Variants in GRIA4 observed in about 807,000 individuals in gnomAD.
GRIA4 encodes glutamate ionotropic receptor AMPA type subunit 4.
Under a neutral mutation model 104.0 loss-of-function variants are expected in GRIA4, and 34 were observed. That is an observed-to-expected ratio of 0.33 (90% CI 0.25 to 0.44). The LOEUF is 0.44. Among genes scored for constraint, GRIA4 ranks in the 20% least tolerant of loss-of-function variants. GRIA4 has a pLI of 1.00. For synonymous variants in GRIA4, 386 were observed against 381.9 expected (o/e 1.01, Z -0.13); for missense variants, 750 against 1,096.5 (o/e 0.68, Z 4.46).
chr11:105,819,521 C>A (rs1027556886), intron 4 of GRIA4, among the ~76,000 whole-genome samples: 1 of 151,982 alleles, frequency 6.6e-6, no homozygotes. Context: ...GTATCGTTGA[C>A]AGTGTACCAA....
Position 105,981,478 on chromosome 11 carries a change from C to T in GRIA4, c.*1739C>T, listed in dbSNP as rs1406773130. ...TTGGAAAAGCTGAAGGATTGATTTT[C>T]TTCCATCAACTCTCAAGATCCCATT... On this transcript the variant is annotated 3_prime_UTR_variant, in exon 17 of 17. Transcript: ENST00000282499. 6.6e-6 allele frequency: 1 copy of T among 151,920 alleles called. No homozygotes were observed. Among genetic ancestry groups the T allele is most frequent in the Non-Finnish European group, 1.5e-5 (1 of 67,950 alleles). The allele number at this position is 151,920 out of a possible 1,614,324, so 9.4% of individuals were successfully genotyped here. A position where few individuals can be genotyped will look rare whatever the true frequency, so the allele number is the denominator to read the frequency against.
chr11:105,969,879 C>A (rs1054076054), intron 14 of GRIA4, among the ~76,000 whole-genome samples: 1 of 152,092 alleles, frequency 6.6e-6, no homozygotes, highest in Non-Finnish European at 1.5e-5. Context: ...CTGGAAAATA[C>A]CATTTTACAG....
Position 105,794,512 on chromosome 11 carries a change from T to TATATAC in GRIA4, c.487+41293_487+41294insTATACA, listed in dbSNP as rs1313325715. ...ATATATATATATATATATATATATATACATATACACACACACACATATCTG... is the reference window on the plus strand; with the variant it reads ...ATATATATATATATATATATATATATATATACACATATACACACACACACATATCTG... On this transcript the variant is annotated intron_variant, in intron 4 of 16. Transcript: ENST00000282499. Among the ~76,000 whole-genome samples the TATATAC allele has an allele frequency of 3.9e-3, 420 of 106,818 alleles. 10 individuals carry two copies. The highest frequency in any genetic ancestry group is 0.011 in the Middle Eastern group (2 of 182). The allele number at this position is 106,818 out of a possible 152,430, so 70.1% of individuals were successfully genotyped here. A position where few individuals can be genotyped will look rare whatever the true frequency, so the allele number is the denominator to read the frequency against.
chr11:105,780,097 T>C (rs1487454349), intron 4 of GRIA4, among the ~76,000 whole-genome samples: 1 of 152,150 alleles, frequency 6.6e-6, no homozygotes, highest in African/African-American at 2.4e-5. Flanking sequence ...TGGTCTCCTA[T>C]GTATAATCTT....
Position 105,652,346 on chromosome 11 carries a change from G to T in GRIA4, c.247+39912G>T, listed in dbSNP as rs1267605274. The stretch of plus-strand genomic sequence containing the variant: ...TGAGAAAATGGAAAGAAGCCCATCA[G>T]ATCCTTCTCAAGCTTTTTATCTAAA... On this transcript the variant is annotated intron_variant, in intron 3 of 16. Coordinates refer to ENST00000282499, the MANE Select transcript of GRIA4 (RefSeq NM_000829.4). Among the ~76,000 whole-genome samples the T allele has an allele frequency of 2.6e-5, 4 of 152,156 alleles. No homozygotes were observed. In the East Asian group the frequency reaches 7.7e-4, roughly 29 times the overall value.
intron 4 of GRIA4, among the ~76,000 whole-genome samples, chr11:105,845,082 T>G (rs575596587): frequency 6.6e-6 from 1 of 152,210 alleles, no homozygotes; most frequent in Admixed American, 6.5e-5. Flanking sequence ...TTACCTCACA[T>G]GGTTTTGCAG....
intron 6 of GRIA4, among the ~76,000 whole-genome samples, chr11:105,894,247 A>G (rs897192022): frequency 1.8e-4 from 27 of 152,202 alleles, no homozygotes; most frequent in African/African-American, 5.8e-4. Flanking sequence ...ACCTCTGTGT[A>G]AGAATATGCA....
At chr11:105,792,462 T>C (rs955429927) in intron 4 of GRIA4, among the ~76,000 whole-genome samples, 1 of 152,120 alleles carries the variant, frequency 6.6e-6, no homozygotes, top group African/African-American at 2.4e-5. Flanking sequence ...ATTTGTATTA[T>C]AAGAAGCACC....
intron 3 of GRIA4, among the ~76,000 whole-genome samples, chr11:105,634,103 C>T (rs1383537894): frequency 6.6e-6 from 1 of 151,994 alleles, no homozygotes; most frequent in Non-Finnish European, 1.5e-5. Context: ...AATCCCAGCA[C>T]TTTGGGAGGC....
chr11:105,652,063 G>A (rs993408931), intron 3 of GRIA4, among the ~76,000 whole-genome samples: 9 of 152,044 alleles, frequency 5.9e-5, no homozygotes, highest in African/African-American at 1.9e-4. Flanking sequence ...TCTGTAAAGG[G>A]TCATTAATAC....
intron 4 of GRIA4, among the ~76,000 whole-genome samples, chr11:105,770,880 C>T (rs1307168041): frequency 2.0e-5 from 3 of 152,008 alleles, no homozygotes; most frequent in Non-Finnish European, 4.4e-5. Context: ...TTCGTCCATC[C>T]ATTCCCTCCT....
chr11:105,776,195 C>A (rs974428310), intron 4 of GRIA4, among the ~76,000 whole-genome samples: 2 of 151,976 alleles, frequency 1.3e-5, no homozygotes, highest in African/African-American at 4.8e-5. Context: ...TCATTGTACA[C>A]AATACACTAA....
chr11:105,698,909 G>A lies in GRIA4; in HGVS notation c.248-54072G>A, dbSNP rs1025269981. ...CGCAGAACATGCTGCTATTTAAGGGGCAGCCACTTAAGATAGGAAGTCAGC... is the reference window on the plus strand; with the variant it reads ...CGCAGAACATGCTGCTATTTAAGGGACAGCCACTTAAGATAGGAAGTCAGC... On this transcript the variant is annotated intron_variant, in intron 3 of 16. Transcript: ENST00000282499. 7.0e-4 allele frequency among the ~76,000 whole-genome samples: 7 copies of A among 10,070 alleles called. No homozygotes were observed. The Non-Finnish European group carries it at 0.017, about 24-fold the overall frequency. 6.6% of individuals were successfully genotyped at this position (10,070 alleles called of 152,430 possible).
At chr11:105,972,294 C>T (rs946995591) in intron 15 of GRIA4, among the ~76,000 whole-genome samples, 3 of 152,268 alleles carry the variant, frequency 2.0e-5, no homozygotes, top group African/African-American at 4.8e-5. Flanking sequence ...CTCAAACTTA[C>T]GTACCACTCA....
intron 4 of GRIA4, among the ~76,000 whole-genome samples, chr11:105,851,538 C>A (rs548831874): frequency 2.6e-5 from 4 of 152,214 alleles, no homozygotes; most frequent in Non-Finnish European, 5.9e-5. Context: ...ATGGATGAGG[C>A]CAGAGAAGGC....
intron 5 of GRIA4, among the ~76,000 whole-genome samples, chr11:105,885,515 G>A (rs1319958499): frequency 6.6e-6 from 1 of 152,214 alleles, no homozygotes; most frequent in African/African-American, 2.4e-5. Flanking sequence ...ATGACAGGCA[G>A]CTGTGATGAA....
At chr11:105,688,697 T>C (rs1359891641) in intron 3 of GRIA4, among the ~76,000 whole-genome samples, 2 of 152,182 alleles carry the variant, frequency 1.3e-5, no homozygotes, top group African/African-American at 4.8e-5. Flanking sequence ...GTTAATGAAA[T>C]AGAGAGGCAT....
chr11:105,943,833 A>G (rs570735464), intron 14 of GRIA4, among the ~76,000 whole-genome samples: 3 of 152,040 alleles, frequency 2.0e-5, no homozygotes, highest in African/African-American at 7.2e-5. Context: ...CAGCTTTACC[A>G]TCTCTGCAGG....
intron 3 of GRIA4, among the ~76,000 whole-genome samples, chr11:105,694,098 C>T (rs929808939): frequency 6.6e-6 from 1 of 151,940 alleles, no homozygotes; most frequent in African/African-American, 2.4e-5. Context: ...TAGCCCTGTC[C>T]AATAGAATGA....
Sources: allele counts gnomAD v4.1 joint callset (sites outside exome capture counted in the v4.1 genomes callset), GRCh38; gene constraint gnomAD v4.1.1; transcripts MANE v1.5; gene names NCBI Gene and HGNC (gene_info 2026-07-23, HGNC 2026-07-21).